Variants in XPO6 observed in about 807,000 individuals in gnomAD.
XPO6 encodes the protein exportin 6.
Under a neutral mutation model 130.0 loss-of-function variants are expected in XPO6, and 3 were observed. The ratio of observed to expected loss-of-function variants is 0.02; its 90% CI spans 0.01 to 0.06. XPO6 has a LOEUF of 0.06. Ranked by LOEUF, XPO6 falls within the 10% of genes least tolerant of loss-of-function variation. The probability of loss-of-function intolerance (pLI) is 1.00; values close to 1 mark genes in which losing one functional copy is unlikely to be tolerated. For synonymous variants in XPO6, 524 were observed against 548.9 expected, an observed-to-expected ratio of 0.95 and a Z score of 0.63; for missense variants, 970 against 1,393.0, an observed-to-expected ratio of 0.70 and a Z score of 4.83.
At chr16:28,193,278 G>A (rs1219296484) in intron 1 of XPO6, among the ~76,000 whole-genome samples, 1 of 152,060 alleles carries the variant, frequency 6.6e-6, no homozygotes, top group Admixed American at 6.5e-5. Flanking sequence ...GCAGCTGCTG[G>A]GGGATCTCTG....
chr16:28,101,468 T>C lies in XPO6; in HGVS notation c.3266A>G (p.Lys1089Arg). 6.2e-7 allele frequency: 1 copy of C among 1,614,098 alleles called. No individual in the cohort carries two copies. The highest frequency in any genetic ancestry group is 8.5e-7 in the Non-Finnish European group (1 of 1,179,954). ...NQKSVLGRNF[K>R]MDRDLPSFTQ... ...TCTTTCTCTCCTCACCCGATCCATC[T>C]TGAAATTCCGCCCCAGCACACTTTT... Residue 1089 changes from lysine to arginine, a missense_variant, in exon 23 of 24, where the codon AAG (lysine) becomes AGG (arginine). Physicochemically the swap from Lys to Arg is conservative, Grantham distance 26 (BLOSUM62 2). Transcript: ENST00000304658. This position sits in a 1 kb window ranked among gnomAD's most constrained non-coding sequence, Gnocchi z 5.4.
intron 9 of XPO6, among the ~76,000 whole-genome samples, chr16:28,140,998 T>A (rs932972244): frequency 1.3e-5 from 2 of 152,252 alleles, no homozygotes; most frequent in Non-Finnish European, 2.9e-5. Context: ...TAAGACTCTA[T>A]TCACTTGCCC....
intron 9 of XPO6, 88 bp downstream of exon 9, chr16:28,146,006 A>T: frequency 1.0e-6 from 1 of 970,392 alleles, no homozygotes; most frequent in East Asian, 2.4e-5. Context: ...AGCTTCACTG[A>T]AAAGGTCCAA....
At chr16:28,104,796 C>A in intron 20 of XPO6, 89 bp from the exon 21 acceptor site, 1 of 1,460,744 alleles carries the variant, frequency 6.8e-7, no homozygotes, top group Non-Finnish European at 9.3e-7. Context: ...GGAGACGCCT[C>A]GTGACAGCAA....
At chr16:28,122,628 T>G (rs1044117212) in intron 13 of XPO6, among the ~76,000 whole-genome samples, 3 of 151,944 alleles carry the variant, frequency 2.0e-5, no homozygotes, top group Non-Finnish European at 4.4e-5. Flanking sequence ...TTGTTTGTTT[T>G]GTTTTGTTTT....
At chr16:28,165,903 A>G (rs1483775689) in intron 6 of XPO6, among the ~76,000 whole-genome samples, 1 of 152,212 alleles carries the variant, frequency 6.6e-6, no homozygotes, top group Non-Finnish European at 1.5e-5. Flanking sequence ...TCATCTTTAG[A>G]AGAACTACAC....
At chr16:28,133,961 T>A (rs1228538484) in intron 10 of XPO6, 28 bp from the exon 11 acceptor site, 1 of 1,610,074 alleles carries the variant, frequency 6.2e-7, no homozygotes, top group Admixed American at 1.7e-5. Flanking sequence ...GAGAATCAGC[T>A]CTCCCAGAAT....
chr16:28,126,747 GAATTTTCAGA>G (rs2087424751), intron 12 of XPO6: 1 of 152,156 alleles, frequency 6.6e-6, no homozygotes, highest in South Asian at 2.1e-4. Context: ...AAGATAGTAA[GAATTTTCAGA>G]GACCTGCAGG....
At chr16:28,121,608 T>C (rs777829512) in intron 14 of XPO6, 62 bp downstream of exon 14, 11 of 1,227,226 alleles carry the variant, frequency 9.0e-6, no homozygotes, top group Non-Finnish European at 1.3e-5. Context: ...TCAATCAAAT[T>C]ATTTGGAGAT....
At chr16:28,147,878 G>T (rs536037984) in intron 8 of XPO6, among the ~76,000 whole-genome samples, 47 of 152,138 alleles carry the variant, frequency 3.1e-4, no homozygotes, top group African/African-American at 1.1e-3. Context: ...TCCAGGAGGC[G>T]GAGGTTGCAG....
At chr16:28,185,637 A>C (rs1009033916) in intron 1 of XPO6, among the ~76,000 whole-genome samples, 1 of 152,186 alleles carries the variant, frequency 6.6e-6, no homozygotes, top group African/African-American at 2.4e-5. Context: ...TATCAGCACA[A>C]CTATGGCTCT....
chr16:28,191,680 CTCCTACACCCCTT>C (rs2043788830), intron 1 of XPO6, among the ~76,000 whole-genome samples: 1 of 152,170 alleles, frequency 6.6e-6, no homozygotes, highest in Admixed American at 6.5e-5. Flanking sequence ...CCAGTGACAG[CTCCTACACCCCTT>C]GAGGAAGCAC....
At position 28,156,298 on chromosome 16, in the gene XPO6, T is replaced by G; in HGVS notation, c.873A>C (p.Ser291=). 6.2e-7 allele frequency: 1 copy of G among 1,614,078 alleles called. No homozygotes were observed. Among genetic ancestry groups the G allele is most frequent in the Non-Finnish European group, 8.5e-7 (1 of 1,180,014 alleles). Residue 291 remains serine (S), a synonymous_variant, in exon 7 of 24, where the codon TCA becomes TCC. Transcript: ENST00000304658. ...GCDIRARKMA[S]VNGSSQNCVS... ...CACAGTTCTGGCTGCTGCCGTTAAC[T>G]GACGCCATCTTTCTGGCCCGGATGT...
intron 1 of XPO6, among the ~76,000 whole-genome samples, chr16:28,193,637 G>T (rs1254261561): frequency 6.6e-6 from 1 of 152,156 alleles, no homozygotes; most frequent in African/African-American, 2.4e-5. Context: ...AGCAGATGGC[G>T]CCTTTCTGGA....
chr16:28,155,439 C>T (rs900292519), intron 7 of XPO6, among the ~76,000 whole-genome samples: 2 of 150,758 alleles, frequency 1.3e-5, no homozygotes, highest in Non-Finnish European at 2.9e-5. Flanking sequence ...GTGATGGAGT[C>T]GTCTTTTAGA....
intron 1 of XPO6, among the ~76,000 whole-genome samples, chr16:28,198,479 G>A (rs1283394460): frequency 4.6e-5 from 7 of 151,954 alleles, no homozygotes; most frequent in Non-Finnish European, 1.0e-4. Context: ...AGCAGTACTA[G>A]AATAAAGAAG....
chr16:28,126,690 G>C (rs180866907), intron 12 of XPO6: 1 of 152,040 alleles, frequency 6.6e-6, no homozygotes, highest in South Asian at 2.1e-4. Context: ...CCCTTGATTC[G>C]GTCACTTCCT....
At chr16:28,166,222 C>T (rs938460916) in intron 6 of XPO6, among the ~76,000 whole-genome samples, 5 of 152,142 alleles carry the variant, frequency 3.3e-5, no homozygotes, top group Admixed American at 6.5e-5. Context: ...GACAAGCAGA[C>T]GTTTCAAGCC....
chr16:28,121,071 A>G (rs2087223060), intron 14 of XPO6, among the ~76,000 whole-genome samples: 1 of 152,246 alleles, frequency 6.6e-6, no homozygotes, highest in Non-Finnish European at 1.5e-5. Flanking sequence ...CTGTCCTTCC[A>G]TATGTCACTT....
Sources: gnomAD v4.1 joint callset for allele counts (sites outside exome capture counted in the v4.1 genomes callset) on GRCh38, gnomAD v4.1.1 for gene constraint, Gnocchi (gnomAD v3.1) non-coding constraint, MANE v1.5 for transcripts, NCBI Gene and HGNC (gene_info 2026-07-23, HGNC 2026-07-21) for gene names.